The following CAMK4 variants were observed in gnomAD, a reference collection of about 807,000 sequenced individuals.
CAMK4 encodes the protein calcium/calmodulin dependent protein kinase IV.
Under a neutral mutation model 44.9 loss-of-function variants are expected in CAMK4, and 22 were observed. That is an observed-to-expected ratio of 0.49 (90% CI 0.35 to 0.70). CAMK4 has a LOEUF of 0.70. CAMK4 is among the 30% of genes least tolerant of loss of function. The probability of loss-of-function intolerance (pLI) is 0.01; values close to 1 mark genes in which losing one functional copy is unlikely to be tolerated. For missense variants in CAMK4, 498 were observed against 586.8 expected (o/e 0.85, Z 1.56); for synonymous variants, 218 against 215.4 (o/e 1.01, Z -0.11).
At chr5:111,245,612 A>T (rs367892198) in intron 1 of CAMK4, among the ~76,000 whole-genome samples, 1 of 152,340 alleles carries the variant, frequency 6.6e-6, no homozygotes, top group South Asian at 2.1e-4. Context: ...AATTCCATTA[A>T]ATAGCAGCAA....
intron 5 of CAMK4, among the ~76,000 whole-genome samples, chr5:111,441,332 G>A (rs746292401): frequency 1.3e-5 from 2 of 152,072 alleles, no homozygotes; most frequent in Non-Finnish European, 2.9e-5. Flanking sequence ...TCTGTCTTAT[G>A]CTTTTTAAAA....
chr5:111,370,395 A>G (rs1750958421), intron 2 of CAMK4, among the ~76,000 whole-genome samples: 1 of 152,182 alleles, frequency 6.6e-6, no homozygotes, highest in African/African-American at 2.4e-5. Context: ...TGTTTAATAT[A>G]AATATATAAT....
chr5:111,224,329 C>T (rs1487195540), upstream of CAMK4: 7 of 1,132,294 alleles, frequency 6.2e-6, no homozygotes, highest in African/African-American at 8.3e-5. This position sits in a 1 kb window ranked among gnomAD's most constrained non-coding sequence, Gnocchi z 5.7. Context: ...CGCCCACCGT[C>T]CCTGCGAGCG....
In CAMK4 at chr5:111,352,812, G is replaced by A. The variant is rs572058034; in HGVS notation, c.240+8710G>A. Among the ~76,000 whole-genome samples the A allele has an allele frequency of 1.8e-4, 28 of 152,106 alleles. 1 individual carries two copies. The South Asian group carries it at 5.8e-3, about 32-fold the overall frequency. On this transcript the variant is annotated intron_variant, in intron 2 of 10. Coordinates refer to ENST00000282356, the MANE Select transcript of CAMK4 (RefSeq NM_001744.6). ...ACCATCATCCAAACACCTCCCTTTA[G>A]GCCCCACCTTTCAACACCACAGCAT...
At position 111,278,118 on chromosome 5, in the gene CAMK4, T is replaced by C. The variant is rs575972468; in HGVS notation, c.161+53474T>C. 1.0e-3 allele frequency among the ~76,000 whole-genome samples: 156 copies of C among 152,264 alleles called. 1 individual carries two copies. The highest frequency in any genetic ancestry group is 7.1e-4 in the Non-Finnish European group (48 of 68,046). Reference sequence around the variant, plus strand: ...TAGGGCATTCCTCTGTATGCGTTAGTTCTCTTAACTGAGATTATAATGTCC... The same window carrying C: ...TAGGGCATTCCTCTGTATGCGTTAGCTCTCTTAACTGAGATTATAATGTCC... On this transcript the variant is annotated intron_variant, in intron 1 of 10. Transcript: ENST00000282356.
At chr5:111,421,245 A>G (rs1214553079) in intron 5 of CAMK4, among the ~76,000 whole-genome samples, 2 of 152,188 alleles carry the variant, frequency 1.3e-5, no homozygotes, top group East Asian at 1.9e-4. Context: ...GTCATAGCCT[A>G]TGTACACTGC....
At position 111,478,405 on chromosome 5, in the gene CAMK4, T is replaced by C. The variant is rs1265856966; in HGVS notation, c.726T>C (p.Tyr242=). The change falls in exon 9 of 11, where the codon TAT becomes TAC. Residue 242 remains tyrosine, a synonymous_variant. Coordinates refer to ENST00000282356, the MANE Select transcript of CAMK4 (RefSeq NM_001744.6). ...GACTTTGTGGATTTGAACCATTCTA[T>C]GATGAAAGAGGCGATCAGTTCATGT... The part of the protein sequence containing the change: ...YILLCGFEPF[Y]DERGDQFMFR... 1 of 1,577,068 alleles carries C rather than the reference T, an allele frequency of 6.3e-7. No individual in the cohort carries two copies. The highest frequency in any genetic ancestry group is 1.3e-5 in the African/African-American group (1 of 74,088).
Position 111,285,407 on chromosome 5 carries a change from T to C in CAMK4, c.162-58617T>C, listed in dbSNP as rs115969290. Among the ~76,000 whole-genome samples, 884 of 152,274 alleles carry C rather than the reference T, an allele frequency of 5.8e-3. 4 individuals are homozygous for C. The highest frequency in any genetic ancestry group is 8.9e-3 in the Non-Finnish European group (606 of 68,020). ...ATGAAAATCAGAATGCTGTGGTACTTTACTAACTTAGTTGTTCAATAACAT... is the reference window on the plus strand; with the variant it reads ...ATGAAAATCAGAATGCTGTGGTACTCTACTAACTTAGTTGTTCAATAACAT... On this transcript the variant is annotated intron_variant, in intron 1 of 10. Transcript: ENST00000282356.
chr5:111,283,443 C>G (rs975383775), intron 1 of CAMK4, among the ~76,000 whole-genome samples: 1 of 152,148 alleles, frequency 6.6e-6, no homozygotes, highest in Admixed American at 6.5e-5. Flanking sequence ...CAAACAGTAC[C>G]ATACTCTGTG....
At chr5:111,248,175 G>A (rs1749321547) in intron 1 of CAMK4, among the ~76,000 whole-genome samples, 1 of 152,202 alleles carries the variant, frequency 6.6e-6, no homozygotes, top group East Asian at 1.9e-4. Flanking sequence ...TAAACTGTAA[G>A]CTCCTTTGGA....
chr5:111,486,659 A>T lies in CAMK4; in HGVS notation c.*2193A>T, dbSNP rs910972928. On this transcript the variant is annotated 3_prime_UTR_variant, in exon 11 of 11. Transcript: ENST00000282356. ...CCCACCCCCATATTGTTCCAAGGGC[A>T]GTTGTTACATTATTTCAACACTAGA... The T allele has an allele frequency of 2.6e-5, 4 of 152,160 alleles. No individual in the cohort carries two copies. Among genetic ancestry groups the T allele is most frequent in the African/African-American group, 9.7e-5 (4 of 41,416 alleles). The allele number at this position is 152,160 out of a possible 1,614,324, so 9.4% of individuals were successfully genotyped here. A position where few individuals can be genotyped will look rare whatever the true frequency, so the allele number is the denominator to read the frequency against.
chr5:111,303,242 G>C (rs1211437600), intron 1 of CAMK4, among the ~76,000 whole-genome samples: 32 of 131,628 alleles, frequency 2.4e-4, no homozygotes, highest in African/African-American at 9.8e-4. Context: ...AAAGCTGGAT[G>C]GAGAATGATT....
chr5:111,274,665 C>A (rs1184692955), intron 1 of CAMK4, among the ~76,000 whole-genome samples: 1 of 152,014 alleles, frequency 6.6e-6, no homozygotes, highest in African/African-American at 2.4e-5. Context: ...AAAAAATAGC[C>A]CTTCAAAGAG....
intron 5 of CAMK4, among the ~76,000 whole-genome samples, chr5:111,417,746 A>T (rs748614996): frequency 6.6e-6 from 1 of 152,266 alleles, no homozygotes; most frequent in African/African-American, 2.4e-5. Context: ...TTGCAATAAG[A>T]TCTCCGTGAC....
chr5:111,240,660 G>C (rs1748948490), intron 1 of CAMK4, among the ~76,000 whole-genome samples: 1 of 152,066 alleles, frequency 6.6e-6, no homozygotes, highest in African/African-American at 2.4e-5. Flanking sequence ...AGATGACCTA[G>C]GAGACACCTT....
At chr5:111,224,213 G>C (rs1194179089), upstream of CAMK4, 2 of 310,106 alleles carry the variant, frequency 6.4e-6, no homozygotes, top group East Asian at 6.7e-5. This position sits in a 1 kb window ranked among gnomAD's most constrained non-coding sequence, Gnocchi z 5.7. Flanking sequence ...GGGAAGGAGC[G>C]AGGGGGAGGG....
intron 1 of CAMK4, among the ~76,000 whole-genome samples, chr5:111,326,154 T>A (rs1269676703): frequency 6.6e-6 from 1 of 151,738 alleles, no homozygotes; most frequent in African/African-American, 2.4e-5. Flanking sequence ...ATGGGAAAAA[T>A]TTAAAATGCT....
At chr5:111,341,931 G>T (rs190465942) in intron 1 of CAMK4, among the ~76,000 whole-genome samples, 2 of 151,324 alleles carry the variant, frequency 1.3e-5, no homozygotes, top group Admixed American at 6.6e-5. Context: ...TCTTTATTTC[G>T]TTTGCAACTT....
intron 1 of CAMK4, among the ~76,000 whole-genome samples, chr5:111,337,178 C>G (rs543567533): frequency 1.3e-5 from 2 of 151,070 alleles, no homozygotes. Flanking sequence ...TTTTGTGTAC[C>G]CTCATTAATT....
Sources: allele counts gnomAD v4.1 joint callset (sites outside exome capture counted in the v4.1 genomes callset), GRCh38; gene constraint gnomAD v4.1.1; non-coding constraint Gnocchi (gnomAD v3.1); transcripts MANE v1.5; gene names NCBI Gene and HGNC (gene_info 2026-07-23, HGNC 2026-07-21).